The following VPS8 variants were observed in gnomAD, a reference collection of about 807,000 sequenced individuals.
The protein encoded by VPS8 is vacuolar protein sorting-associated protein 8 homolog.
VPS8 carries 129 observed loss-of-function variants against 216.4 expected under a neutral mutation model. The ratio of observed to expected loss-of-function variants is 0.60; its 90% CI spans 0.52 to 0.69. VPS8 has a LOEUF of 0.69. Ranked by LOEUF, VPS8 falls within the 30% of genes least tolerant of loss-of-function variation. The pLI, the probability that VPS8 is intolerant of heterozygous loss-of-function variation, is 0.00. For synonymous variants in VPS8, 571 were observed against 565.4 expected, an observed-to-expected ratio of 1.01 and a Z score of -0.14; for missense variants, 1,531 against 1,683.5, an observed-to-expected ratio of 0.91 and a Z score of 1.59.
At chr3:184,981,222 T>G (rs1351895903) in intron 40 of VPS8, among the ~76,000 whole-genome samples, 2 of 152,092 alleles carry the variant, frequency 1.3e-5, no homozygotes. Flanking sequence ...GTAGCAATGC[T>G]CCAGTGGGGG....
Position 184,928,448 on chromosome 3 carries a change from C to G in VPS8, c.2632-3C>G, listed in dbSNP as rs1170764737. 6.5e-7 allele frequency: 1 copy of G among 1,531,450 alleles called. No individual in the cohort carries two copies. The highest frequency in any genetic ancestry group is 1.4e-5 in the African/African-American group (1 of 69,194). The allele number at this position is 1,531,450 out of a possible 1,614,324, so 94.9% of individuals were successfully genotyped here. ...TTTTTACTCATTTATTGTAAATACT[C>G]AGGTCCTTTTAGAATTGCTGCAGGC... On this transcript the variant is annotated splice_region_variant and splice_polypyrimidine_tract_variant and intron_variant, in intron 31 of 47. Coordinates refer to ENST00000625842, the MANE Select transcript of VPS8 (RefSeq NM_001009921.3).
At chr3:184,908,590 G>A (rs114072800) in intron 25 of VPS8, among the ~76,000 whole-genome samples, 3 of 152,224 alleles carry the variant, frequency 2.0e-5, no homozygotes, top group African/African-American at 7.2e-5. Flanking sequence ...CAGCTCGGTC[G>A]GCCTCTGGCC....
intron 6 of VPS8, 127 bp from the exon 7 acceptor site, chr3:184,839,571 C>A (rs1721737787): frequency 2.3e-6 from 2 of 862,202 alleles, no homozygotes; most frequent in Middle Eastern, 2.5e-4. Flanking sequence ...GGATGAAATT[C>A]TTCTTATTTA....
intron 45 of VPS8, among the ~76,000 whole-genome samples, chr3:185,000,326 TGTATTTTA>T: frequency 6.6e-6 from 1 of 152,348 alleles, no homozygotes; most frequent in African/African-American, 2.4e-5. Context: ...GATAATTTTA[TGTATTTTA>T]CAGCCTTTTT....
At chr3:184,888,821 A>G (rs1409170940) in intron 22 of VPS8, among the ~76,000 whole-genome samples, 1 of 152,190 alleles carries the variant, frequency 6.6e-6, no homozygotes, top group African/African-American at 2.4e-5. Context: ...TCTACCTAGA[A>G]TGATACCTGA....
rs148195113 is a variant in VPS8 at position 185,033,163 on chromosome 3, T to G, written c.4056+8774T>G. Among the ~76,000 whole-genome samples, 30 of 152,304 alleles carry G rather than the reference T, an allele frequency of 2.0e-4. No individual in the cohort carries two copies. In the East Asian group the frequency reaches 5.4e-3, roughly 27 times the overall value. On this transcript the variant is annotated intron_variant, in intron 46 of 47. Transcript: ENST00000625842. Reference sequence around the variant, plus strand: ...ATTAACTAAAGTCCATGGTTTACATTAGGGTTCACTCTTTCTGTTGTATAT... The same window carrying G: ...ATTAACTAAAGTCCATGGTTTACATGAGGGTTCACTCTTTCTGTTGTATAT...
At position 184,907,199 on chromosome 3, in the gene VPS8, A is replaced by G. The variant is rs570652352; in HGVS notation, c.2146+6227A>G. 3.9e-5 allele frequency among the ~76,000 whole-genome samples: 6 copies of G among 152,348 alleles called. No homozygotes were observed. In the South Asian group the frequency reaches 1.2e-3, roughly 32 times the overall value. On this transcript the variant is annotated intron_variant, in intron 25 of 47. Coordinates refer to ENST00000625842, the MANE Select transcript of VPS8 (RefSeq NM_001009921.3). ...GAGGGCTTCCAGGTTAGAAGTAGGT[A>G]AGAGACAAAAGGTTGCATTCTTTTG... is the stretch of plus-strand genomic sequence containing the variant.
intron 20 of VPS8, among the ~76,000 whole-genome samples, chr3:184,870,423 C>G (rs1453617537): frequency 2.0e-5 from 3 of 152,162 alleles, no homozygotes; most frequent in African/African-American, 7.2e-5. Flanking sequence ...TAGGGAAACA[C>G]CTACAGCGAG....
chr3:185,005,625 T>TTTTATTTA (rs58712087), intron 45 of VPS8, among the ~76,000 whole-genome samples: 2,807 of 150,312 alleles, frequency 0.019, 70 homozygotes, highest in African/African-American at 0.059. Context: ...ATTTTATTTA[T>TTTTATTTA]TTTATTTATT....
chr3:185,035,887 A>C (rs895601836), intron 46 of VPS8, among the ~76,000 whole-genome samples: 1 of 152,200 alleles, frequency 6.6e-6, no homozygotes, highest in Non-Finnish European at 1.5e-5. Flanking sequence ...GGCTCCTAGA[A>C]CTGATAAATG....
chr3:184,849,845 A>G, intron 9 of VPS8, 91 bp from the exon 10 acceptor site: 1 of 937,552 alleles, frequency 1.1e-6, no homozygotes, highest in East Asian at 2.4e-5. Flanking sequence ...GTTTATAGTC[A>G]AGGAATAGAT....
intron 46 of VPS8, 31 bp from the exon 47 acceptor site, chr3:185,048,448 G>A: frequency 2.5e-6 from 4 of 1,611,214 alleles, no homozygotes; most frequent in South Asian, 2.2e-5. Flanking sequence ...GCCACGTGAT[G>A]TTGTTAATCG....
chr3:184,834,030 G>A (rs1265574253), intron 4 of VPS8, among the ~76,000 whole-genome samples: 1 of 152,106 alleles, frequency 6.6e-6, no homozygotes, highest in Admixed American at 6.6e-5. Context: ...AGTAATGTTG[G>A]GTAAAAGTTT....
chr3:184,962,331 G>A (rs1295778309), intron 37 of VPS8, among the ~76,000 whole-genome samples: 1 of 152,126 alleles, frequency 6.6e-6, no homozygotes, highest in Non-Finnish European at 1.5e-5. Context: ...TCTACTGATT[G>A]CCAAGTTGAT....
chr3:184,959,124 C>G (rs1229828573), intron 37 of VPS8, among the ~76,000 whole-genome samples: 1 of 152,074 alleles, frequency 6.6e-6, no homozygotes, highest in Non-Finnish European at 1.5e-5. Flanking sequence ...CTTGAGGCCC[C>G]CAAATATTCT....
chr3:184,847,905 T>TTTTGTTTG (rs368279984), intron 8 of VPS8, among the ~76,000 whole-genome samples: 2 of 152,234 alleles, frequency 1.3e-5, no homozygotes, highest in South Asian at 4.1e-4. Flanking sequence ...TTTTAGCATA[T>TTTTGTTTG]TTTGTTTGTT....
intron 45 of VPS8, 50 bp from the exon 46 acceptor site, chr3:185,024,286 A>C: frequency 6.6e-7 from 1 of 1,521,330 alleles, no homozygotes. Context: ...GGTCAGACAA[A>C]ACTAGACTAT....
intron 34 of VPS8, among the ~76,000 whole-genome samples, chr3:184,931,474 T>G (rs1239955532): frequency 6.6e-6 from 1 of 152,194 alleles, no homozygotes; most frequent in Non-Finnish European, 1.5e-5. Flanking sequence ...TCAACATGTT[T>G]GAACATTTTT....
chr3:185,049,189 A>G (rs1454787083), intron 47 of VPS8, among the ~76,000 whole-genome samples: 1 of 152,198 alleles, frequency 6.6e-6, no homozygotes, highest in Non-Finnish European at 1.5e-5. Context: ...TTTTATTCCA[A>G]AAGACCTTGG....
Sources: gnomAD v4.1 joint callset for allele counts (sites outside exome capture counted in the v4.1 genomes callset) on GRCh38, gnomAD v4.1.1 for gene constraint, MANE v1.5 for transcripts, NCBI Gene and HGNC (gene_info 2026-07-23, HGNC 2026-07-21) for gene names.